Variants in ZNF438 observed in about 807,000 individuals in gnomAD.
ZNF438 encodes zinc finger protein 438.
A neutral mutation model predicts 38.0 loss-of-function variants in ZNF438; 25 were observed. That is an observed-to-expected ratio of 0.66 (90% CI 0.48 to 0.92). The LOEUF (loss-of-function observed/expected upper bound fraction) is 0.92, where lower values mean the gene tolerates loss of function less well. Ranked by LOEUF, ZNF438 falls within the 40% of genes least tolerant of loss-of-function variation. ZNF438 has a pLI of 0.00. For missense variants in ZNF438, 1,007 were observed against 999.6 expected, an observed-to-expected ratio of 1.01 and a Z score of -0.10; for synonymous variants, 372 against 364.1, an observed-to-expected ratio of 1.02 and a Z score of -0.25.
intron 1 of ZNF438, among the ~76,000 whole-genome samples, chr10:31,000,408 AC>A (rs1388084379): frequency 1.3e-5 from 2 of 152,210 alleles, no homozygotes; most frequent in African/African-American, 2.4e-5. Context: ...AAATCCCTAG[AC>A]AATTCACATG....
chr10:30,932,775 T>A (rs2045836248), intron 2 of ZNF438, among the ~76,000 whole-genome samples: 1 of 152,334 alleles, frequency 6.6e-6, no homozygotes, highest in Non-Finnish European at 1.5e-5. Flanking sequence ...ATAATCAGGT[T>A]AAAATGAGTT....
chr10:31,011,655 A>G (rs1195979817), intron 1 of ZNF438, among the ~76,000 whole-genome samples: 3 of 152,166 alleles, frequency 2.0e-5, no homozygotes, highest in African/African-American at 7.2e-5. Flanking sequence ...AATAGCAACG[A>G]GATTCTCACT....
At chr10:30,993,741 C>G (rs2053755121) in intron 1 of ZNF438, among the ~76,000 whole-genome samples, 1 of 152,220 alleles carries the variant, frequency 6.6e-6, no homozygotes, top group Admixed American at 6.5e-5. Flanking sequence ...AACTATACCA[C>G]CAGCATGCAG....
chr10:30,949,567 A>C (rs1298921334), intron 1 of ZNF438, among the ~76,000 whole-genome samples: 1 of 152,246 alleles, frequency 6.6e-6, no homozygotes, highest in African/African-American at 2.4e-5. Context: ...TCTACCAAGC[A>C]AATGGAAAAC....
exon 6 of ZNF438, chr10:30,845,046 C>T (rs764866284): frequency 6.2e-7 from 1 of 1,614,208 alleles, no homozygotes; most frequent in Non-Finnish European, 8.5e-7. Flanking sequence ...AGGGTCCTCA[C>T]AGTTATGCTG....
chr10:30,892,450 TGAGAA>T (rs1221631597), intron 3 of ZNF438, among the ~76,000 whole-genome samples: 3 of 152,138 alleles, frequency 2.0e-5, no homozygotes, highest in Non-Finnish European at 4.4e-5. Context: ...GTAACTGAAA[TGAGAA>T]GAGAAATCAC....
intron 1 of ZNF438, among the ~76,000 whole-genome samples, chr10:30,983,121 C>A (rs1162155166): frequency 6.6e-6 from 1 of 152,130 alleles, no homozygotes; most frequent in Non-Finnish European, 1.5e-5. Flanking sequence ...AAAGGGCCTG[C>A]TTGGAATAAC....
intron 1 of ZNF438, among the ~76,000 whole-genome samples, chr10:31,023,850 C>T (rs991379091): frequency 2.0e-5 from 3 of 152,256 alleles, no homozygotes; most frequent in Admixed American, 1.3e-4. Context: ...CTGGCTAATC[C>T]TTAAATTTTT....
chr10:31,026,003 T>C (rs1479597047), intron 1 of ZNF438, among the ~76,000 whole-genome samples: 1 of 152,190 alleles, frequency 6.6e-6, no homozygotes, highest in Non-Finnish European at 1.5e-5. Context: ...ATTCCCTATT[T>C]AATAAACGGT....
chr10:30,887,800 A>T (rs1167481945), intron 3 of ZNF438, among the ~76,000 whole-genome samples: 1 of 152,160 alleles, frequency 6.6e-6, no homozygotes, highest in African/African-American at 2.4e-5. Flanking sequence ...ATATCATCTC[A>T]AAAGTCCCCT....
At position 30,972,323 on chromosome 10, in the gene ZNF438, TA is replaced by T. The variant is rs1436340057; in HGVS notation, c.-191-30673del. On this transcript the variant is annotated intron_variant, in intron 1 of 5. Coordinates refer to ENST00000413025, the Ensembl canonical transcript of ZNF438. The stretch of plus-strand genomic sequence containing the variant: ...CCTATTTGAAATCATTATAACAATT[TA>T]AAATGTCTTAAGGAGTGCTATAATT... Among the ~76,000 whole-genome samples, 6 of 152,334 alleles carry T rather than the reference TA, an allele frequency of 3.9e-5. No homozygotes were observed. The East Asian group carries it at 9.6e-4, about 24-fold the overall frequency.
At chr10:30,961,892 G>GAAAAAA (rs947031672) in intron 1 of ZNF438, among the ~76,000 whole-genome samples, 1 of 67,094 alleles carries the variant, frequency 1.5e-5, no homozygotes, top group Non-Finnish European at 3.2e-5. Flanking sequence ...CATCCCAAAA[G>GAAAAAA]AAAAAAAAAA....
At chr10:30,948,198 T>A (rs1248347151) in intron 1 of ZNF438, among the ~76,000 whole-genome samples, 2 of 152,070 alleles carry the variant, frequency 1.3e-5, no homozygotes, top group African/African-American at 4.8e-5. Flanking sequence ...TCCTGTCTGT[T>A]AGAAGGAAAA....
At chr10:30,922,521 T>C (rs2044416522) in intron 2 of ZNF438, among the ~76,000 whole-genome samples, 1 of 152,158 alleles carries the variant, frequency 6.6e-6, no homozygotes. Context: ...TAAAAATATA[T>C]TTGAGGTATA....
At chr10:30,915,966 T>C (rs979872513) in intron 2 of ZNF438, among the ~76,000 whole-genome samples, 1 of 152,058 alleles carries the variant, frequency 6.6e-6, no homozygotes, top group African/African-American at 2.4e-5. Flanking sequence ...AAATTACTTC[T>C]GTCTTTTCTG....
At chr10:30,845,621 A>T in intron 5 of ZNF438, 48 bp from the exon 7 acceptor site, 10 of 1,564,636 alleles carry the variant, frequency 6.4e-6, no homozygotes, top group Non-Finnish European at 8.6e-6. Flanking sequence ...GAAAAATGCA[A>T]TTGGAATCTT....
chr10:30,903,459 G>T (rs771174388), intron 3 of ZNF438, among the ~76,000 whole-genome samples: 2 of 152,204 alleles, frequency 1.3e-5, no homozygotes, highest in Admixed American at 6.5e-5. Flanking sequence ...AAGGAAATAA[G>T]AAATTTCTAA....
intron 2 of ZNF438, among the ~76,000 whole-genome samples, chr10:30,935,513 G>A (rs2046152177): frequency 6.6e-6 from 1 of 152,174 alleles, no homozygotes; most frequent in African/African-American, 2.4e-5. Context: ...AGCAAGGAGG[G>A]TGCCAAGACA....
At chr10:30,858,693 A>G (rs1413788115) in intron 4 of ZNF438, among the ~76,000 whole-genome samples, 1 of 152,242 alleles carries the variant, frequency 6.6e-6, no homozygotes, top group Non-Finnish European at 1.5e-5. Flanking sequence ...AGGAAATTTG[A>G]GACAATGCAA....
Sources: gnomAD v4.1 joint callset for allele counts (sites outside exome capture counted in the v4.1 genomes callset) on GRCh38, gnomAD v4.1.1 for gene constraint, MANE v1.5 for transcripts, NCBI Gene and HGNC (gene_info 2026-07-23, HGNC 2026-07-21) for gene names.